Variants in GATA3 observed in about 807,000 individuals in gnomAD.
The protein encoded by GATA3 is GATA binding protein 3.
In GATA3, 6 loss-of-function variants were observed where a neutral mutation model predicts 36.0. That is an observed-to-expected ratio of 0.17 (90% confidence interval 0.09 to 0.33). The LOEUF (loss-of-function observed/expected upper bound fraction) is 0.33, where lower values mean the gene tolerates loss of function less well. GATA3 is among the 10% of genes least tolerant of loss of function. GATA3 has a pLI of 1.00. For missense variants in GATA3, 514 were observed against 610.1 expected, an observed-to-expected ratio of 0.84 and a Z score of 1.66; for synonymous variants, 326 against 273.0, an observed-to-expected ratio of 1.19 and a Z score of -1.92.
At chr10:8,063,806 C>T (rs1245398200) in intron 3 of GATA3, among the ~76,000 whole-genome samples, 187 bp from the exon 4 acceptor site, 1 of 152,150 alleles carries the variant, frequency 6.6e-6, no homozygotes, top group Non-Finnish European at 1.5e-5. Flanking sequence ...AACGGTCATG[C>T]CAGGACAGCA....
At chr10:8,051,175 G>A (rs530601451), upstream of GATA3, 1 of 480,658 alleles carries the variant, frequency 2.1e-6, no homozygotes, top group Admixed American at 2.3e-5. Flanking sequence ...GGACTTGCAC[G>A]TGGGCATGTG....
rs11567926 is a variant in GATA3 at position 8,067,938 on chromosome 10, C to T, written c.925-1535C>T. Among the ~76,000 whole-genome samples the T allele has an allele frequency of 8.6e-3, 1,312 of 152,318 alleles. 17 individuals are homozygous for T. Among genetic ancestry groups the T allele is most frequent in the African/African-American group, 0.03 (1,231 of 41,564 alleles). On this transcript the variant is annotated intron_variant, in intron 4 of 5. Coordinates refer to ENST00000379328, the MANE Select transcript of GATA3 (RefSeq NM_001002295.2). The stretch of plus-strand genomic sequence containing the variant: ...ATACCAGAATTTTCTTCATCACAGA[C>T]AGAGACTAAACTCTTTCTTCTCTTA...
Position 8,055,764 on chromosome 10 carries a change from G to C in GATA3, c.109G>C (p.Asp37His), listed in dbSNP as rs778144734. Residue 37 changes from aspartate (D) to histidine (H), a missense_variant, in exon 2 of 6, where the codon GAC becomes CAC. Asp to His is a moderately conservative substitution (Grantham distance 81). This residue lies in a region of GATA3 where 381 missense variants were observed against 354.3 expected (regional missense o/e 1.08). Transcript: ENST00000379328. The surrounding 1 kb of genome is among the most constrained non-coding windows in gnomAD (Gnocchi z 5.4). ...HHPGLSHSYM[D>H]AAQYPLPEEV... ...CCCGGGCCTCAGCCACTCCTACATGGACGCGGCGCAGTACCCGCTGCCGGA... is the reference window on the plus strand; with the variant it reads ...CCCGGGCCTCAGCCACTCCTACATGCACGCGGCGCAGTACCCGCTGCCGGA... 1 of 1,589,402 alleles carries C rather than the reference G, an allele frequency of 6.3e-7. No individual in the cohort carries two copies. Among genetic ancestry groups the C allele is most frequent in the Admixed American group, 1.7e-5 (1 of 57,160 alleles).
At position 8,058,495 on chromosome 10, in the gene GATA3, C is replaced by G. The variant is rs755377699; in HGVS notation, c.432C>G (p.Gly144=). The change falls in exon 3 of 6, where the codon GGC becomes GGG. Residue 144 remains glycine (G), a synonymous_variant. Transcript: ENST00000379328. The part of the protein sequence containing the change: ...PPASSSSLSG[G]HASPHLFTFP... Reference sequence around the variant, plus strand: ...CCTCGTCCTCCTCCTTGTCGGGGGGCCACGCCAGCCCGCACCTCTTCACCT... The same window carrying G: ...CCTCGTCCTCCTCCTTGTCGGGGGGGCACGCCAGCCCGCACCTCTTCACCT... 1 of 1,612,158 alleles carries G rather than the reference C, an allele frequency of 6.2e-7. No individual in the cohort carries two copies. Among genetic ancestry groups the G allele is most frequent in the Admixed American group, 1.7e-5 (1 of 59,998 alleles).
intron 4 of GATA3, among the ~76,000 whole-genome samples, chr10:8,067,245 G>C (rs1301529368): frequency 6.6e-6 from 1 of 152,196 alleles, no homozygotes; most frequent in South Asian, 2.1e-4. Context: ...TTACATTCAA[G>C]ATGGACAGCA....
In GATA3 at chr10:8,055,345, G is replaced by A; in HGVS notation, c.-311G>A. The A allele has an allele frequency of 2.1e-6, 1 of 481,998 alleles. No individual in the cohort carries two copies. Among genetic ancestry groups the A allele is most frequent in the South Asian group, 2.2e-5 (1 of 44,814 alleles). The allele number at this position is 481,998 out of a possible 1,614,324, so 29.9% of individuals were successfully genotyped here. On this transcript the variant is annotated 5_prime_UTR_variant, in exon 2 of 6. Coordinates refer to ENST00000379328, the MANE Select transcript of GATA3 (RefSeq NM_001002295.2). This position sits in a 1 kb window ranked among gnomAD's most constrained non-coding sequence, Gnocchi z 5.4. ...TGAGGACCCCGGTGCAGAGGAGCCTGGCTCGCAGAATTGCAGAGTCGTCGC... is the reference window on the plus strand; with the variant it reads ...TGAGGACCCCGGTGCAGAGGAGCCTAGCTCGCAGAATTGCAGAGTCGTCGC...
At chr10:8,054,313 A>G (rs1832574823), upstream of GATA3, among the ~76,000 whole-genome samples, 2 of 152,344 alleles carry the variant, frequency 1.3e-5, no homozygotes, top group South Asian at 4.1e-4. The surrounding 1 kb of genome is among the most constrained non-coding windows in gnomAD (Gnocchi z 4.2). Context: ...AATGAACTTC[A>G]TGAATGGGGC....
chr10:8,050,920 G>A (rs775268523), upstream of GATA3: 1 of 463,000 alleles, frequency 2.2e-6, no homozygotes, highest in Non-Finnish European at 4.4e-6. Flanking sequence ...GGCAGCGCGC[G>A]GGCGCCCGGG....
At chr10:8,049,101 AAAAAAGAAAAAAG>A (rs943211995), upstream of GATA3, among the ~76,000 whole-genome samples, 7 of 145,672 alleles carry the variant, frequency 4.8e-5, no homozygotes, top group African/African-American at 1.6e-4. Flanking sequence ...CAAACAGAAA[AAAAAAGAAAAAAG>A]AAAAAGAAAA....
intron 1 of GATA3, among the ~76,000 whole-genome samples, chr10:8,046,006 G>T (rs1445527046): frequency 6.6e-6 from 1 of 152,238 alleles, no homozygotes; most frequent in Non-Finnish European, 1.5e-5. Flanking sequence ...GTAAGATAAA[G>T]TTGGAACCCA....
chr10:8,059,013 G>A (rs895487828), intron 3 of GATA3, among the ~76,000 whole-genome samples, 172 bp downstream of exon 3: 3 of 152,156 alleles, frequency 2.0e-5, no homozygotes, highest in Non-Finnish European at 2.9e-5. Flanking sequence ...TCCCATCCTA[G>A]CTCACGCCTG....
intron 2 of GATA3, 106 bp downstream of exon 2, chr10:8,056,002 C>G: frequency 7.0e-7 from 1 of 1,429,770 alleles, no homozygotes. Context: ...CGAAAGCCCC[C>G]ATCTGCCGTT....
At chr10:8,052,020 C>T (rs947058574), upstream of GATA3, among the ~76,000 whole-genome samples, 2 of 152,182 alleles carry the variant, frequency 1.3e-5, no homozygotes, top group East Asian at 1.9e-4. Flanking sequence ...GGGCTGGGCC[C>T]GTGACGTCAA....
In GATA3 at chr10:8,058,739, G is replaced by A. The variant is rs1330938980; in HGVS notation, c.676G>A (p.Val226Met). The A allele has an allele frequency of 1.9e-6, 3 of 1,612,084 alleles. No individual in the cohort carries two copies. Among genetic ancestry groups the A allele is most frequent in the African/African-American group, 1.3e-5 (1 of 74,984 alleles). The change falls in exon 3 of 6, where the codon GTG (valine) becomes ATG (methionine). Residue 226 changes from valine (V) to methionine (M), a missense_variant. Around this residue, in one of 3 missense-constraint regions of GATA3, gnomAD observed 381 missense variants for 354.3 expected, o/e 1.08. Transcript: ENST00000379328. ...HHPITTYPPY[V>M]PEYSSGLFPP... is the part of the protein sequence containing the mutation. ...CCCCATCACCACCTACCCGCCCTAC[G>A]TGCCCGAGTACAGCTCCGGACTCTT... is the stretch of plus-strand genomic sequence containing the variant.
At chr10:8,065,700 G>GTTTTTTTTTTTTT (rs748515966) in intron 4 of GATA3, among the ~76,000 whole-genome samples, 2 of 62,290 alleles carry the variant, frequency 3.2e-5, no homozygotes, top group African/African-American at 1.3e-4. Flanking sequence ...CAGCAGTTTG[G>GTTTTTTTTTTTTT]TTTTTTTTTT....
intron 4 of GATA3, among the ~76,000 whole-genome samples, chr10:8,067,726 G>A (rs1434774226): frequency 2.0e-5 from 3 of 152,240 alleles, no homozygotes; most frequent in Admixed American, 6.5e-5. Flanking sequence ...GCTGAGGCAG[G>A]AGAATGGTGT....
At chr10:8,048,333 C>T (rs34737531) in intron 1 of GATA3, among the ~76,000 whole-genome samples, 3,133 of 152,330 alleles carry the variant, frequency 0.021, 42 homozygotes, top group Middle Eastern at 0.041. Context: ...CCCCACCTCA[C>T]CCGGCAATGC....
chr10:8,049,653 T>C (rs1564393158), upstream of GATA3, among the ~76,000 whole-genome samples: 1 of 152,178 alleles, frequency 6.6e-6, no homozygotes. Flanking sequence ...GAGCTGTTTA[T>C]ACAGCTTTAC....
chr10:8,048,992 C>G (rs1017080989), upstream of GATA3, among the ~76,000 whole-genome samples: 55 of 151,698 alleles, frequency 3.6e-4, no homozygotes, highest in African/African-American at 1.3e-3. Context: ...AGCGCATCTC[C>G]TCTTTTTTGA....
Sources: allele counts gnomAD v4.1 joint callset (sites outside exome capture counted in the v4.1 genomes callset), GRCh38; gene constraint gnomAD v4.1.1; regional missense constraint gnomAD v4.1.1; non-coding constraint Gnocchi (gnomAD v3.1); transcripts MANE v1.5; gene names NCBI Gene and HGNC (gene_info 2026-07-23, HGNC 2026-07-21).